Variants in TRABD2A observed in about 807,000 individuals in gnomAD.
TRABD2A encodes TraB domain containing 2A.
Under a neutral mutation model 45.6 loss-of-function variants are expected in TRABD2A, and 43 were observed. The ratio of observed to expected loss-of-function variants is 0.94; its 90% confidence interval spans 0.74 to 1.22. The LOEUF (loss-of-function observed/expected upper bound fraction) is 1.22, where lower values mean the gene tolerates loss of function less well. Ranked by LOEUF, TRABD2A falls within the 50% of genes most tolerant of loss-of-function variation. The probability of loss-of-function intolerance (pLI) is 0.00; values close to 1 mark genes in which losing one functional copy is unlikely to be tolerated. For missense variants in TRABD2A, 642 were observed against 652.4 expected (o/e 0.98, Z 0.17); for synonymous variants, 269 against 265.0 (o/e 1.02, Z -0.15).
At chr2:84,845,569 G>C (rs1425346609) in intron 2 of TRABD2A, among the ~76,000 whole-genome samples, 2 of 150,680 alleles carry the variant, frequency 1.3e-5, no homozygotes, top group African/African-American at 5.0e-5. Flanking sequence ...GGAGACAAGG[G>C]CGGGGGAAGA....
chr2:84,859,924 C>T (rs1400824073), intron 2 of TRABD2A, among the ~76,000 whole-genome samples: 3 of 151,154 alleles, frequency 2.0e-5, no homozygotes, highest in African/African-American at 4.9e-5. Context: ...GCTCATGGCT[C>T]GGTCTCATTT....
chr2:84,832,043 C>G lies in TRABD2A; in HGVS notation c.1082+12G>C. 1 of 1,614,010 alleles carries G rather than the reference C, an allele frequency of 6.2e-7. No homozygotes were observed. On this transcript the variant is annotated intron_variant, in intron 5 of 6. Transcript: ENST00000409520. Reference sequence around the variant, plus strand: ...CAGCTCCCCAGCCAAGATAGAAGCACAGGACGGTTACTTGTGGATGGGTCG... The same window carrying G: ...CAGCTCCCCAGCCAAGATAGAAGCAGAGGACGGTTACTTGTGGATGGGTCG...
intron 2 of TRABD2A, among the ~76,000 whole-genome samples, chr2:84,866,817 G>T (rs1682691490): frequency 6.6e-6 from 1 of 152,184 alleles, no homozygotes; most frequent in Admixed American, 6.5e-5. Flanking sequence ...AGGTGTGGCG[G>T]CTCACGCCTG....
At position 84,830,497 on chromosome 2, in the gene TRABD2A, T is replaced by C. The variant is rs866374195; in HGVS notation, c.1082+1558A>G. ...TTTGAATATAGGACACTGGAAAGAA[T>C]AGTCCCACAGAAGGGCGAAGAGTGA... is the stretch of plus-strand genomic sequence containing the variant. On this transcript the variant is annotated intron_variant, in intron 5 of 6. Transcript: ENST00000409520. This position sits in a 1 kb window ranked among gnomAD's most constrained non-coding sequence, Gnocchi z 4.9. 2.0e-5 allele frequency among the ~76,000 whole-genome samples: 3 copies of C among 151,802 alleles called. No homozygotes were observed. The highest frequency in any genetic ancestry group is 6.6e-5 in the Admixed American group (1 of 15,264).
In TRABD2A at chr2:84,870,501, C is replaced by A; in HGVS notation, c.393G>T (p.Lys131Asn). The A allele has an allele frequency of 1.9e-6, 3 of 1,614,036 alleles. No individual in the cohort carries two copies. The highest frequency in any genetic ancestry group is 2.5e-6 in the Non-Finnish European group (3 of 1,179,892). ...GGGTCATCCACAAGGGCATCATGAG[C>A]TTGACATACTCCAGGTGGCGCTTGA... is the stretch of plus-strand genomic sequence containing the variant. ...CRLKRHLEYV[K>N]LMMPLWMTPD... The change falls in exon 2 of 7, where the codon AAG becomes AAT. Residue 131 changes from lysine to asparagine, a missense_variant. Physicochemically the swap from Lys to Asn is moderately conservative, Grantham distance 94. Coordinates refer to ENST00000409520, the MANE Select transcript of TRABD2A (RefSeq NM_001277053.2).
chr2:84,837,869 G>T, intron 4 of TRABD2A: 1 of 204,406 alleles, frequency 4.9e-6, no homozygotes, highest in Non-Finnish European at 9.8e-6. Context: ...GACTCTCTAG[G>T]AATATTTTAG....
intron 2 of TRABD2A, among the ~76,000 whole-genome samples, chr2:84,858,776 T>C (rs1682399162): frequency 1.3e-5 from 2 of 152,218 alleles, no homozygotes; most frequent in South Asian, 2.1e-4. Context: ...ACAGTTATCA[T>C]GTCTGCTTTA....
rs137855114 is a variant in TRABD2A, at chr2:84,858,289, C to T, written c.669+11936G>A. Among the ~76,000 whole-genome samples, 24 of 148,374 alleles carry T rather than the reference C, an allele frequency of 1.6e-4. No individual in the cohort carries two copies. In the East Asian group the frequency reaches 4.5e-3, roughly 28 times the overall value. ...CTCCAACATCGTCTCCCACCAGACC[C>T]CTACACAAATGCTCATATAGCCAAC... is the stretch of plus-strand genomic sequence containing the variant. On this transcript the variant is annotated intron_variant, in intron 2 of 6. Coordinates refer to ENST00000409520, the MANE Select transcript of TRABD2A (RefSeq NM_001277053.2).
chr2:84,879,858 C>T (rs1490010025), intron 1 of TRABD2A, among the ~76,000 whole-genome samples: 2 of 152,180 alleles, frequency 1.3e-5, no homozygotes, highest in Admixed American at 6.5e-5. Flanking sequence ...TCTATTTGGC[C>T]GTCCTCTGCT....
At chr2:84,840,467 C>T (rs771097702) in intron 3 of TRABD2A, among the ~76,000 whole-genome samples, 13 of 152,222 alleles carry the variant, frequency 8.5e-5, no homozygotes, top group Non-Finnish European at 1.5e-4. Flanking sequence ...CTGCACCACT[C>T]CCTGCTGGCC....
At chr2:84,822,880 C>A (rs1681038196) in intron 6 of TRABD2A, among the ~76,000 whole-genome samples, 1 of 152,232 alleles carries the variant, frequency 6.6e-6, no homozygotes, top group South Asian at 2.1e-4. Flanking sequence ...CTGGACACAT[C>A]TCACCCCATT....
chr2:84,842,530 C>T (rs914412894), intron 2 of TRABD2A, among the ~76,000 whole-genome samples: 1 of 151,960 alleles, frequency 6.6e-6, no homozygotes, highest in Non-Finnish European at 1.5e-5. Context: ...GAAAATTAAA[C>T]ACCAGCCTGG....
intron 2 of TRABD2A, among the ~76,000 whole-genome samples, chr2:84,858,926 G>T (rs1299220405): frequency 6.6e-6 from 1 of 152,118 alleles, no homozygotes; most frequent in Non-Finnish European, 1.5e-5. Context: ...CCAGGAGTTT[G>T]AGGCCAGCCA....
rs760207228 is a variant in TRABD2A, at chr2:84,870,656, G to A, written c.238C>T (p.Gln80Ter). ...IPDNSKEAFL[Q>*]SSIVYFELDL... The stretch of plus-strand genomic sequence containing the variant: ...AACTCAAAGTACACAATGCTGCTCT[G>A]CAGGAAAGCCTCCTTAGAGTTGTCG... Residue 80 changes from glutamine (Q) to a stop codon, truncating the protein, a stop_gained, in exon 2 of 7, where the codon CAG becomes TAG. Transcript: ENST00000409520. LOFTEE classifies it high-confidence loss of function. The A allele has an allele frequency of 6.2e-6, 10 of 1,611,156 alleles. No individual in the cohort carries two copies. The East Asian group carries it at 2.0e-4, about 32-fold the overall frequency.
chr2:84,843,303 G>A (rs1339182512), intron 2 of TRABD2A, among the ~76,000 whole-genome samples: 1 of 152,102 alleles, frequency 6.6e-6, no homozygotes, highest in Admixed American at 6.5e-5. Context: ...GACTGACTAT[G>A]AGGTCTTTAG....
intron 2 of TRABD2A, among the ~76,000 whole-genome samples, chr2:84,863,762 C>T (rs1573947458): frequency 6.6e-6 from 1 of 151,982 alleles, no homozygotes; most frequent in East Asian, 1.9e-4. Context: ...CAGGCGCCCG[C>T]CACCACACCT....
intron 4 of TRABD2A, 116 bp downstream of exon 4, chr2:84,839,033 T>C: frequency 3.4e-6 from 4 of 1,186,670 alleles, no homozygotes; most frequent in South Asian, 1.6e-5. Flanking sequence ...AAGGTGTCAC[T>C]CCCTTCATCT....
chr2:84,876,084 A>C (rs1444310265), intron 1 of TRABD2A, among the ~76,000 whole-genome samples: 1 of 152,156 alleles, frequency 6.6e-6, no homozygotes, highest in Non-Finnish European at 1.5e-5. Flanking sequence ...GACGGGGGTG[A>C]AACAGGATTA....
intron 3 of TRABD2A, among the ~76,000 whole-genome samples, chr2:84,841,295 A>G (rs187411411): frequency 1.1e-4 from 16 of 152,316 alleles, no homozygotes; most frequent in Admixed American, 5.2e-4. Context: ...CTTCCACTCA[A>G]TGGCCCACAG....
Sources: gnomAD v4.1 joint callset for allele counts (sites outside exome capture counted in the v4.1 genomes callset) on GRCh38, gnomAD v4.1.1 for gene constraint, Gnocchi (gnomAD v3.1) non-coding constraint, MANE v1.5 for transcripts, NCBI Gene and HGNC (gene_info 2026-07-23, HGNC 2026-07-21) for gene names.